Variants in MYO16 observed in about 807,000 individuals in gnomAD.
The protein encoded by MYO16 is myosin XVI.
MYO16 carries 94 observed loss-of-function variants against 205.3 expected under a neutral mutation model. That is an observed-to-expected ratio of 0.46 (90% CI 0.39 to 0.54). The LOEUF is 0.54. Ranked by LOEUF, MYO16 falls within the 20% of genes least tolerant of loss-of-function variation. The probability of loss-of-function intolerance (pLI) is 0.00; values close to 1 mark genes in which losing one functional copy is unlikely to be tolerated. For missense variants in MYO16, 2,315 were observed against 2,387.5 expected, an observed-to-expected ratio of 0.97 and a Z score of 0.63; for synonymous variants, 988 against 954.0, an observed-to-expected ratio of 1.04 and a Z score of -0.66.
upstream of MYO16, among the ~76,000 whole-genome samples, chr13:108,595,261 C>T (rs1177210528): frequency 6.6e-6 from 1 of 152,058 alleles, no homozygotes; most frequent in East Asian, 1.9e-4. Context: ...TTCATATTGG[C>T]TTTATTAGTT....
intron 16 of MYO16, among the ~76,000 whole-genome samples, chr13:108,955,028 C>T (rs1883295133): frequency 6.6e-6 from 1 of 152,190 alleles, no homozygotes; most frequent in African/African-American, 2.4e-5. Context: ...CCCTTCTCCG[C>T]AGCAAATGTC....
At chr13:108,924,565 C>T (rs144076036) in intron 16 of MYO16, among the ~76,000 whole-genome samples, 6 of 152,312 alleles carry the variant, frequency 3.9e-5, no homozygotes, top group East Asian at 1.9e-4. Context: ...CGAATGGAAT[C>T]GCTTAGATCC....
At chr13:109,040,831 T>C (rs1116119) in intron 23 of MYO16, among the ~76,000 whole-genome samples, 50,575 of 151,984 alleles carry the variant, frequency 0.33, 9,386 homozygotes, top group East Asian at 0.82. Context: ...CTCTCACCAC[T>C]CTTAACATAG....
At chr13:109,029,116 T>TTTC (rs201394042) in intron 23 of MYO16, among the ~76,000 whole-genome samples, 8,677 of 141,184 alleles carry the variant, frequency 0.061, 394 homozygotes, top group Non-Finnish European at 0.092. Context: ...TCTTTTCTTT[T>TTTC]TTTTTTTTTT....
chr13:108,719,506 T>A, intron 3 of MYO16, among the ~76,000 whole-genome samples: 1 of 152,066 alleles, frequency 6.6e-6, no homozygotes, highest in East Asian at 1.9e-4. Flanking sequence ...ATCTCAGCTT[T>A]CTGCCTGCGT....
At chr13:108,556,368 G>C in the MYO16 span, among the ~76,000 whole-genome samples, 1 of 151,526 alleles carries the variant, frequency 6.6e-6, no homozygotes, top group Non-Finnish European at 1.5e-5. Flanking sequence ...GTTTTAATTT[G>C]AACCTGATGA....
chr13:108,924,555 C>A (rs559840192), intron 16 of MYO16, among the ~76,000 whole-genome samples: 1 of 152,180 alleles, frequency 6.6e-6, no homozygotes, highest in South Asian at 2.1e-4. Context: ...TTCCTGAGTA[C>A]GAATGGAATC....
chr13:109,154,424 T>A (rs1044773934), intron 32 of MYO16, among the ~76,000 whole-genome samples: 1 of 152,166 alleles, frequency 6.6e-6, no homozygotes, highest in East Asian at 1.9e-4. Flanking sequence ...CTGGTCTGTG[T>A]CTTTTTTTGT....
intron 27 of MYO16, among the ~76,000 whole-genome samples, chr13:109,070,729 A>C (rs1277715073): frequency 2.0e-5 from 3 of 152,166 alleles, no homozygotes; most frequent in Admixed American, 2.0e-4. Context: ...TTATCTTTTA[A>C]AGGTTACCTT....
intron 2 of MYO16, among the ~76,000 whole-genome samples, chr13:108,670,346 G>T (rs1393992492): frequency 6.6e-6 from 1 of 152,142 alleles, no homozygotes; most frequent in Non-Finnish European, 1.5e-5. Context: ...GATGTAATGA[G>T]TCTTATATGG....
In MYO16 at chr13:109,125,810, T is replaced by A. The variant is rs1876220367; in HGVS notation, c.3782+452T>A. Among the ~76,000 whole-genome samples the A allele has an allele frequency of 6.6e-6, 1 of 152,218 alleles. No individual in the cohort carries two copies. Among genetic ancestry groups the A allele is most frequent in the Non-Finnish European group, 1.5e-5 (1 of 68,028 alleles). ...GAAGAAGTGAACTCAATAGATAGAT[T>A]GTAAGTGTATTATATATCCCTGTGT... On this transcript the variant is annotated intron_variant, in intron 30 of 34. Transcript: ENST00000457511. The surrounding 1 kb of genome is among the most constrained non-coding windows in gnomAD (Gnocchi z 4.0).
intron 20 of MYO16, among the ~76,000 whole-genome samples, chr13:108,982,457 G>T (rs546994988): frequency 6.6e-6 from 1 of 151,992 alleles, no homozygotes; most frequent in African/African-American, 2.4e-5. Context: ...GGGAGAAAAG[G>T]AACTGTACTA....
At chr13:108,743,448 A>G (rs1884969837) in intron 4 of MYO16, among the ~76,000 whole-genome samples, 1 of 152,242 alleles carries the variant, frequency 6.6e-6, no homozygotes, top group South Asian at 2.1e-4. Context: ...AATTCTTACC[A>G]TTACATACAA....
intron 16 of MYO16, among the ~76,000 whole-genome samples, chr13:108,917,891 C>T (rs1279597759): frequency 6.6e-6 from 1 of 152,220 alleles, no homozygotes; most frequent in Non-Finnish European, 1.5e-5. Context: ...TCATTGAGCA[C>T]TTCTCATAGA....
rs113504309 is a variant in MYO16 at position 109,202,757 on chromosome 13, C to G, written c.5416-3852C>G. On this transcript the variant is annotated intron_variant, in intron 34 of 34. Transcript: ENST00000457511. ...CCCACATAGCCAAAGCAAGACTAAG[C>G]AGCAAGAAAAAATCTGGAGACATCA... 5.4e-3 allele frequency among the ~76,000 whole-genome samples: 825 copies of G among 152,194 alleles called. 9 individuals carry two copies. The highest frequency in any genetic ancestry group is 0.018 in the African/African-American group (764 of 41,538).
chr13:108,616,301 G>A (rs1242448696), intron 1 of MYO16, among the ~76,000 whole-genome samples: 1 of 152,088 alleles, frequency 6.6e-6, no homozygotes. Flanking sequence ...TTTGTATTTT[G>A]TGCCTAAGTA....
chr13:108,624,813 G>A (rs2139341340), upstream of MYO16, among the ~76,000 whole-genome samples: 1 of 151,176 alleles, frequency 6.6e-6, no homozygotes, highest in South Asian at 2.2e-4. Flanking sequence ...GTGTGTGTGT[G>A]TGTGTGTGTG....
chr13:108,990,526 T>A (rs1184923810), intron 20 of MYO16, among the ~76,000 whole-genome samples: 2 of 148,304 alleles, frequency 1.3e-5, no homozygotes, highest in Admixed American at 6.7e-5. Flanking sequence ...GAAAAAAAAA[T>A]TGCATTTGTT....
chr13:108,669,962 C>G (rs775549609), intron 2 of MYO16, among the ~76,000 whole-genome samples: 2 of 152,118 alleles, frequency 1.3e-5, no homozygotes, highest in Non-Finnish European at 2.9e-5. Flanking sequence ...TTAGGACAAA[C>G]ACCTAATGTA....
Sources: gnomAD v4.1 joint callset for allele counts (sites outside exome capture counted in the v4.1 genomes callset) on GRCh38, gnomAD v4.1.1 for gene constraint, Gnocchi (gnomAD v3.1) non-coding constraint, MANE v1.5 for transcripts, NCBI Gene and HGNC (gene_info 2026-07-23, HGNC 2026-07-21) for gene names.